The following PID1 variants were observed in gnomAD, a reference collection of about 807,000 sequenced individuals.
PID1 encodes the protein PTB-containing, cubilin and LRP1-interacting protein.
Under a neutral mutation model 19.1 loss-of-function variants are expected in PID1, and 10 were observed. The ratio of observed to expected loss-of-function variants is 0.52; its 90% CI spans 0.32 to 0.89. The LOEUF (loss-of-function observed/expected upper bound fraction) is 0.89, where lower values mean the gene tolerates loss of function less well. PID1 is among the 40% of genes least tolerant of loss of function. The probability of loss-of-function intolerance (pLI) is 0.03; values close to 1 mark genes in which losing one functional copy is unlikely to be tolerated. For synonymous variants in PID1, 130 were observed against 116.0 expected, an observed-to-expected ratio of 1.12 and a Z score of -0.78; for missense variants, 248 against 285.3, an observed-to-expected ratio of 0.87 and a Z score of 0.94.
chr2:229,056,270 C>T (rs1425303343), intron 2 of PID1, among the ~76,000 whole-genome samples: 3 of 152,128 alleles, frequency 2.0e-5, no homozygotes, highest in Non-Finnish European at 4.4e-5. Flanking sequence ...CCCCAATTAA[C>T]GGCCAAACCC....
chr2:229,202,862 C>T (rs1691528062), intron 1 of PID1, among the ~76,000 whole-genome samples: 1 of 152,028 alleles, frequency 6.6e-6, no homozygotes, highest in Admixed American at 6.6e-5. Context: ...TATATGGTTA[C>T]CATTAATGTC....
chr2:229,069,582 A>C (rs1326422412), intron 2 of PID1, among the ~76,000 whole-genome samples: 1 of 152,218 alleles, frequency 6.6e-6, no homozygotes, highest in Non-Finnish European at 1.5e-5. Flanking sequence ...TAGTTGGACA[A>C]TATTGAATAA....
chr2:229,099,811 A>T (rs1340367860), intron 2 of PID1, among the ~76,000 whole-genome samples: 1 of 152,198 alleles, frequency 6.6e-6, no homozygotes, highest in African/African-American at 2.4e-5. Flanking sequence ...AAAGAATATA[A>T]TCATCCCCTT....
intron 1 of PID1, among the ~76,000 whole-genome samples, chr2:229,193,224 T>A (rs563844136): frequency 2.0e-5 from 3 of 152,148 alleles, no homozygotes; most frequent in Non-Finnish European, 4.4e-5. Flanking sequence ...CACAGTTGAA[T>A]CTCTTGGCAG....
chr2:229,178,144 T>C (rs1690864422), intron 1 of PID1, among the ~76,000 whole-genome samples: 1 of 152,188 alleles, frequency 6.6e-6, no homozygotes, highest in African/African-American at 2.4e-5. Context: ...TCAAATCCCC[T>C]TATTGCTATA....
chr2:229,145,189 A>ATATATATATATATATAT (rs1690104562), intron 2 of PID1, among the ~76,000 whole-genome samples: 2 of 144,580 alleles, frequency 1.4e-5, no homozygotes, highest in African/African-American at 2.5e-5. Context: ...ATATATATAT[A>ATATATATATATATATAT]AACTCGAGAC....
intron 1 of PID1, among the ~76,000 whole-genome samples, chr2:229,258,106 G>A (rs1690352621): frequency 6.6e-6 from 1 of 152,206 alleles, no homozygotes; most frequent in Non-Finnish European, 1.5e-5. Flanking sequence ...TGTGATACAG[G>A]GCTGGAAAAG....
In PID1 at chr2:229,025,986, A is replaced by T. The variant is rs371656791; in HGVS notation, c.300T>A (p.Asn100Lys). 1 of 1,614,188 alleles carries T rather than the reference A, an allele frequency of 6.2e-7. No individual in the cohort carries two copies. The highest frequency in any genetic ancestry group is 1.1e-5 in the South Asian group (1 of 91,086). ...GGAATGGCCGGATTTCCAGGAGGGC[A>T]TTGGCCGGAAAGACATCCTCTCGGG... ...TLAREDVFPA[N>K]ALLEIRPFQV... is the part of the protein sequence containing the mutation. The change falls in exon 3 of 3, where the codon AAT becomes AAA. Residue 100 changes from asparagine (N) to lysine (K), a missense_variant. Coordinates refer to ENST00000392055, the MANE Select transcript of PID1 (RefSeq NM_001100818.2).
chr2:229,072,754 C>T (rs1200013289), intron 2 of PID1, among the ~76,000 whole-genome samples: 2 of 152,164 alleles, frequency 1.3e-5, no homozygotes, highest in Non-Finnish European at 2.9e-5. Context: ...CCAAGGTACT[C>T]ATCAAATTTG....
chr2:229,144,916 T>C (rs1303223157), intron 2 of PID1, among the ~76,000 whole-genome samples: 1 of 151,968 alleles, frequency 6.6e-6, no homozygotes, highest in Non-Finnish European at 1.5e-5. Context: ...AAAAAATCAC[T>C]TACAAGGAAA....
chr2:229,075,407 A>C (rs778609761), intron 2 of PID1, among the ~76,000 whole-genome samples: 6 of 152,232 alleles, frequency 3.9e-5, no homozygotes, highest in Non-Finnish European at 8.8e-5. Context: ...ATTTTTCACA[A>C]AAGCCTGGCC....
intron 1 of PID1, among the ~76,000 whole-genome samples, chr2:229,185,890 T>G (rs1387577906): frequency 6.6e-6 from 1 of 152,214 alleles, no homozygotes; most frequent in Admixed American, 6.5e-5. Context: ...AAGTCTTAAC[T>G]GATTTCAGCA....
intron 1 of PID1, among the ~76,000 whole-genome samples, chr2:229,234,112 T>A (rs1166430351): frequency 6.6e-6 from 1 of 152,096 alleles, no homozygotes; most frequent in Non-Finnish European, 1.5e-5. Flanking sequence ...TCATGAAAGG[T>A]TATGTCTTGA....
chr2:229,033,687 T>A lies in PID1; in HGVS notation c.178-7579A>T, dbSNP rs187407437. Among the ~76,000 whole-genome samples the A allele has an allele frequency of 1.8e-3, 271 of 152,176 alleles. 1 individual carries two copies. The highest frequency in any genetic ancestry group is 2.1e-3 in the Non-Finnish European group (140 of 68,010). On this transcript the variant is annotated intron_variant, in intron 2 of 2. Transcript: ENST00000392055. ...CAGAACTGAAATATAATAAAAAAAT[T>A]AAAAAAATATTTTACTGTTTTTCCA...
intron 1 of PID1, chr2:229,232,148 G>A (rs1232362390): frequency 2.1e-6 from 3 of 1,444,658 alleles, no homozygotes; most frequent in South Asian, 1.5e-5. Flanking sequence ...TCTTGGCCGG[G>A]TGCAGTGGCT....
chr2:229,125,340 G>A (rs905150147), intron 2 of PID1, among the ~76,000 whole-genome samples: 10 of 151,604 alleles, frequency 6.6e-5, no homozygotes, highest in African/African-American at 2.4e-4. Flanking sequence ...TATTGTTTTT[G>A]GTTACAGACA....
At chr2:229,114,967 T>C (rs1695380424) in intron 2 of PID1, among the ~76,000 whole-genome samples, 1 of 151,998 alleles carries the variant, frequency 6.6e-6, no homozygotes, top group East Asian at 1.9e-4. Flanking sequence ...AGATCGTTTT[T>C]CACATGTTAT....
At chr2:229,124,701 T>C (rs1254560405) in intron 2 of PID1, among the ~76,000 whole-genome samples, 1 of 152,170 alleles carries the variant, frequency 6.6e-6, no homozygotes, top group Non-Finnish European at 1.5e-5. Context: ...TAAGTCAAAA[T>C]TTAGTCTGAA....
chr2:229,231,859 G>A lies in PID1; in HGVS notation c.30+39155C>T, dbSNP rs1692215797. The A allele has an allele frequency of 1.9e-6, 3 of 1,546,196 alleles. No individual in the cohort carries two copies. The South Asian group carries it at 3.6e-5, about 19-fold the overall frequency. On this transcript the variant is annotated intron_variant, in intron 1 of 2. Coordinates refer to ENST00000392055, the MANE Select transcript of PID1 (RefSeq NM_001100818.2). ...TTTACCTCCTTGTCTTAATCTGTTT[G>A]TGCTGCTATAACGAAATACCACAGA... is the stretch of plus-strand genomic sequence containing the variant.
Sources: gnomAD v4.1 joint callset for allele counts (sites outside exome capture counted in the v4.1 genomes callset) on GRCh38, gnomAD v4.1.1 for gene constraint, MANE v1.5 for transcripts, NCBI Gene and HGNC (gene_info 2026-07-23, HGNC 2026-07-21) for gene names.